Variants in KHDRBS3 observed in about 807,000 individuals in gnomAD.
KHDRBS3 encodes KH RNA binding domain containing, signal transduction associated 3.
A neutral mutation model predicts 45.6 loss-of-function variants in KHDRBS3; 23 were observed. That is an observed-to-expected ratio of 0.50 (90% confidence interval 0.36 to 0.72). The LOEUF (loss-of-function observed/expected upper bound fraction) is 0.72, where lower values mean the gene tolerates loss of function less well. KHDRBS3 is among the 30% of genes least tolerant of loss of function. The probability of loss-of-function intolerance (pLI) is 0.00; values close to 1 mark genes in which losing one functional copy is unlikely to be tolerated. For missense variants in KHDRBS3, 352 were observed against 424.8 expected, an observed-to-expected ratio of 0.83 and a Z score of 1.51; for synonymous variants, 162 against 156.5, an observed-to-expected ratio of 1.04 and a Z score of -0.26.
At chr8:135,546,421 A>G (rs1826304889) in intron 3 of KHDRBS3, among the ~76,000 whole-genome samples, 1 of 152,180 alleles carries the variant, frequency 6.6e-6, no homozygotes, top group Non-Finnish European at 1.5e-5. Context: ...AAATTATGGG[A>G]GTCATTATTG....
At chr8:135,497,408 C>T (rs549470095) in intron 1 of KHDRBS3, among the ~76,000 whole-genome samples, 17 of 152,228 alleles carry the variant, frequency 1.1e-4, no homozygotes, top group Non-Finnish European at 1.9e-4. Context: ...GCCTCTTCAT[C>T]GCTACATTTT....
intron 1 of KHDRBS3, among the ~76,000 whole-genome samples, chr8:135,462,524 C>G (rs1472943034): frequency 6.6e-6 from 1 of 152,198 alleles, no homozygotes; most frequent in East Asian, 1.9e-4. Context: ...TCCTAAGGAA[C>G]ATCTTAGTCC....
chr8:135,481,250 A>ATATATATATT (rs1285436029), intron 1 of KHDRBS3, among the ~76,000 whole-genome samples: 14 of 125,550 alleles, frequency 1.1e-4, no homozygotes, highest in Non-Finnish European at 2.1e-4. Context: ...ATATATATAT[A>ATATATATATT]TTTAATGTAA....
chr8:135,581,992 C>T lies in KHDRBS3; in HGVS notation c.726C>T (p.Leu242=). The T allele has an allele frequency of 8.1e-6, 13 of 1,613,282 alleles. No individual in the cohort carries two copies. The highest frequency in any genetic ancestry group is 1.1e-5 in the Non-Finnish European group (13 of 1,179,644). Residue 242 remains leucine, a synonymous_variant, in exon 6 of 9, where the codon CTC becomes CTT. Coordinates refer to ENST00000355849, the MANE Select transcript of KHDRBS3 (RefSeq NM_006558.3). ...RGPVSRGRGL[L]TPRARGVPPT... is the part of the protein sequence containing the mutation. ...CAGTGAGTCGGGGAAGAGGACTTCT[C>T]ACTCCCAGAGCAAGAGGAGTCCCCC...
rs184806640 is a variant in KHDRBS3 at position 135,587,514 on chromosome 8, C to T, written c.807+5441C>T. On this transcript the variant is annotated intron_variant, in intron 6 of 8. Coordinates refer to ENST00000355849, the MANE Select transcript of KHDRBS3 (RefSeq NM_006558.3). The stretch of plus-strand genomic sequence containing the variant: ...ATTTAAGTATAAATTTGGGACCTTC[C>T]GCTCTACTTTTAACTTAGTAAAATT... Among the ~76,000 whole-genome samples, 181 of 152,208 alleles carry T rather than the reference C, an allele frequency of 1.2e-3. 3 individuals are homozygous for T. The highest frequency in any genetic ancestry group is 5.9e-4 in the Admixed American group (9 of 15,302).
chr8:135,532,338 C>T (rs749587519), intron 2 of KHDRBS3, among the ~76,000 whole-genome samples: 9 of 152,054 alleles, frequency 5.9e-5, no homozygotes, highest in Non-Finnish European at 1.2e-4. Context: ...GGAAAATAAA[C>T]CTTGTTTGTT....
chr8:135,548,972 T>G (rs1039275373), intron 4 of KHDRBS3, 72 bp downstream of exon 4: 17 of 1,086,266 alleles, frequency 1.6e-5, no homozygotes, highest in Non-Finnish European at 2.2e-5. Context: ...ACTTCTTGTC[T>G]GTAACTGTTA....
At chr8:135,495,019 A>G (rs948378461) in intron 1 of KHDRBS3, among the ~76,000 whole-genome samples, 4 of 152,256 alleles carry the variant, frequency 2.6e-5, no homozygotes, top group Non-Finnish European at 5.9e-5. Context: ...AGCTCTCTTA[A>G]GTACCCTTTC....
At chr8:135,483,520 T>A (rs1162506402) in intron 1 of KHDRBS3, among the ~76,000 whole-genome samples, 2 of 152,214 alleles carry the variant, frequency 1.3e-5, no homozygotes, top group Non-Finnish European at 2.9e-5. Context: ...AATTAGTCCC[T>A]GGAACTAAGT....
downstream of KHDRBS3, among the ~76,000 whole-genome samples, chr8:135,649,253 T>G (rs896517020): frequency 1.3e-5 from 2 of 152,174 alleles, no homozygotes; most frequent in Non-Finnish European, 2.9e-5. Flanking sequence ...GTCTTACTTT[T>G]TCAGTGTTTG....
intron 7 of KHDRBS3, among the ~76,000 whole-genome samples, chr8:135,619,647 A>G (rs928022247): frequency 1.3e-5 from 2 of 152,282 alleles, no homozygotes; most frequent in Admixed American, 6.6e-5. Flanking sequence ...CACACATCGT[A>G]AATGCTATCA....
At chr8:135,602,208 A>T (rs1165061703) in intron 6 of KHDRBS3, among the ~76,000 whole-genome samples, 5 of 152,192 alleles carry the variant, frequency 3.3e-5, no homozygotes, top group Non-Finnish European at 5.9e-5. Context: ...GGAACCTTAG[A>T]CACTGATTTG....
chr8:135,615,030 G>C (rs2131061797), intron 7 of KHDRBS3, among the ~76,000 whole-genome samples: 1 of 151,926 alleles, frequency 6.6e-6, no homozygotes, highest in African/African-American at 2.4e-5. Flanking sequence ...ATTCTTGCCA[G>C]AGGCAGGCCA....
At chr8:135,618,792 C>T (rs1425806263) in intron 7 of KHDRBS3, among the ~76,000 whole-genome samples, 2 of 152,212 alleles carry the variant, frequency 1.3e-5, no homozygotes, top group African/African-American at 2.4e-5. Flanking sequence ...CACTAACCCT[C>T]AATTTTCCCA....
At chr8:135,626,803 C>CAAAAAA in intron 7 of KHDRBS3, among the ~76,000 whole-genome samples, 2 of 91,114 alleles carry the variant, frequency 2.2e-5, no homozygotes, top group African/African-American at 4.8e-5. Flanking sequence ...GACTCCGTCT[C>CAAAAAA]AAAAAAAAAA....
In KHDRBS3 at chr8:135,536,988, AAAAAAAAAAG is replaced by A. The variant is rs1825802131; in HGVS notation, c.208-5665_208-5656del. ...TCTCAAAAAAAAAAAAAAAAAAAAA[AAAAAAAAAAG>A]GAGATGTTTAGGAGGTAAAATCATT... On this transcript the variant is annotated intron_variant, in intron 2 of 8. Transcript: ENST00000355849. 7.2e-5 allele frequency among the ~76,000 whole-genome samples: 6 copies of A among 83,266 alleles called. 1 individual carries two copies. The highest frequency in any genetic ancestry group is 4.5e-4 in the African/African-American group (6 of 13,288). The allele number at this position is 83,266 out of a possible 152,430, so 54.6% of individuals were successfully genotyped here. A position where few individuals can be genotyped will look rare whatever the true frequency, so the allele number is the denominator to read the frequency against.
intron 6 of KHDRBS3, among the ~76,000 whole-genome samples, chr8:135,584,049 G>C (rs1028290336): frequency 6.6e-6 from 1 of 152,150 alleles, no homozygotes; most frequent in Non-Finnish European, 1.5e-5. Flanking sequence ...ATGGGATAAT[G>C]GCCCTGTAGA....
intron 6 of KHDRBS3, among the ~76,000 whole-genome samples, chr8:135,601,949 A>C (rs184899230): frequency 3.9e-5 from 6 of 152,360 alleles, no homozygotes; most frequent in Admixed American, 1.3e-4. Flanking sequence ...CTAGAAGATA[A>C]GAGCATGAGG....
At position 135,475,649 on chromosome 8, in the gene KHDRBS3, C is replaced by T. The variant is rs530652205; in HGVS notation, c.88+17695C>T. ...TTTTAAATCTCAAATTATACATCAG[C>T]GGTCCTAGAGACATTAAGTGACTTG... is the stretch of plus-strand genomic sequence containing the variant. On this transcript the variant is annotated intron_variant, in intron 1 of 8. Transcript: ENST00000355849. 1.2e-4 allele frequency among the ~76,000 whole-genome samples: 18 copies of T among 152,062 alleles called. No individual in the cohort carries two copies. The East Asian group carries it at 2.1e-3, about 18-fold the overall frequency.
Sources: allele counts gnomAD v4.1 joint callset (sites outside exome capture counted in the v4.1 genomes callset), GRCh38; gene constraint gnomAD v4.1.1; transcripts MANE v1.5; gene names NCBI Gene and HGNC (gene_info 2026-07-23, HGNC 2026-07-21).